PITPNM3: variants seen among roughly 807,000 people sequenced by gnomAD.
PITPNM3 encodes membrane-associated phosphatidylinositol transfer protein 3.
PITPNM3 carries 26 observed loss-of-function variants against 102.0 expected under a neutral mutation model. The observed-to-expected ratio is 0.25, with a 90% CI of 0.19 to 0.35. The LOEUF (loss-of-function observed/expected upper bound fraction) is 0.35, where lower values mean the gene tolerates loss of function less well. PITPNM3 is among the 10% of genes least tolerant of loss of function. The pLI, the probability that PITPNM3 is intolerant of heterozygous loss-of-function variation, is 1.00. For synonymous variants in PITPNM3, 578 were observed against 558.6 expected, an observed-to-expected ratio of 1.03 and a Z score of -0.49; for missense variants, 1,083 against 1,346.1, an observed-to-expected ratio of 0.80 and a Z score of 3.06.
chr17:6,544,747 C>A (rs1022620924), intron 1 of PITPNM3, among the ~76,000 whole-genome samples: 1 of 151,804 alleles, frequency 6.6e-6, no homozygotes, highest in Admixed American at 6.6e-5. Flanking sequence ...TAACTCCTGG[C>A]GGCTGATGCA....
chr17:6,526,343 T>C (rs1908832962), intron 2 of PITPNM3, among the ~76,000 whole-genome samples: 1 of 152,202 alleles, frequency 6.6e-6, no homozygotes, highest in Non-Finnish European at 1.5e-5. Context: ...CCCTTAGGCA[T>C]GTGTGCTCTC....
intron 4 of PITPNM3, among the ~76,000 whole-genome samples, chr17:6,491,010 GGAGGAAAGGGGAGGGGAGGA>G (rs1277212838): frequency 2.5e-5 from 2 of 80,236 alleles, no homozygotes; most frequent in East Asian, 4.4e-4. Flanking sequence ...GGAGGGAAGG[GGAGGAAAGGGGAGGGGAGGA>G]GAGGAAAGGG....
rs764198784 is a variant in PITPNM3 at position 6,463,849 on chromosome 17, G to A, written c.2189C>T (p.Thr730Met). 35 of 1,613,932 alleles carry A rather than the reference G, an allele frequency of 2.2e-5. No individual in the cohort carries two copies. Among genetic ancestry groups the A allele is most frequent in the African/African-American group, 1.6e-4 (12 of 74,926 alleles). Reference sequence around the variant, plus strand: ...ACACTCCATGCCCCTGGGCAACACCGTGAGGTAGCTCATGGCACAGGTCTG... The same window carrying A: ...ACACTCCATGCCCCTGGGCAACACCATGAGGTAGCTCATGGCACAGGTCTG... ...GDQTCAMSYL[T>M]VLPRGMECVV... Residue 730 changes from threonine to methionine, a missense_variant, in exon 17 of 20, where the codon ACG (threonine) becomes ATG (methionine). Around this residue, in one of 5 missense-constraint regions of PITPNM3, gnomAD observed 410 missense variants for 638.4 expected, o/e 0.64. Coordinates refer to ENST00000262483, the MANE Select transcript of PITPNM3 (RefSeq NM_031220.4).
At position 6,471,213 on chromosome 17, in the gene PITPNM3, G is replaced by A. The variant is rs771991481; in HGVS notation, c.1572C>T (p.His524=). 131 of 1,613,254 alleles carry A rather than the reference G, an allele frequency of 8.1e-5. 1 individual carries two copies. The Admixed American group carries it at 2.2e-3, about 27-fold the overall frequency. The part of the protein sequence containing the change: ...PGRRMSEGSS[H]SESSESSDSM... ...TGTCCGAGGACTCCGAGCTCTCGCT[G>A]TGGGAGCTCCCCTCGCTCATCCTCC... Residue 524 remains histidine (H), a synonymous_variant, in exon 12 of 20, where the codon CAC becomes CAT. Coordinates refer to ENST00000262483, the MANE Select transcript of PITPNM3 (RefSeq NM_031220.4).
At position 6,457,770 on chromosome 17, in the gene PITPNM3, C is replaced by A. The variant is rs1381420697; in HGVS notation, c.2491-48G>T. On this transcript the variant is annotated intron_variant, in intron 18 of 19. Coordinates refer to ENST00000262483, the MANE Select transcript of PITPNM3 (RefSeq NM_031220.4). This position sits in a 1 kb window ranked among gnomAD's most constrained non-coding sequence, Gnocchi z 4.7. Reference sequence around the variant, plus strand: ...GGGGAGAGTGAGGCCAGCCCACCCCCTGGAAAGCCTTCCCAGGCCAACCCC... The same window carrying A: ...GGGGAGAGTGAGGCCAGCCCACCCCATGGAAAGCCTTCCCAGGCCAACCCC... 1 of 1,552,730 alleles carries A rather than the reference C, an allele frequency of 6.4e-7. No homozygotes were observed. Among genetic ancestry groups the A allele is most frequent in the Non-Finnish European group, 8.7e-7 (1 of 1,148,516 alleles).
chr17:6,515,608 G>C (rs1389235798), intron 3 of PITPNM3, among the ~76,000 whole-genome samples: 1 of 152,084 alleles, frequency 6.6e-6, no homozygotes, highest in Non-Finnish European at 1.5e-5. Flanking sequence ...AATGGCAGCT[G>C]TGTGCCTCCT....
intron 18 of PITPNM3, chr17:6,460,493 CTG>C (rs995369099): frequency 6.6e-6 from 1 of 152,280 alleles, no homozygotes; most frequent in African/African-American, 2.4e-5. Context: ...AGGCTTCGCA[CTG>C]TGTCACCACT....
chr17:6,555,740 C>T (rs986632647), intron 1 of PITPNM3, among the ~76,000 whole-genome samples: 3 of 152,206 alleles, frequency 2.0e-5, no homozygotes, highest in African/African-American at 7.2e-5. Context: ...ATGCCCGCTC[C>T]CTCAAACCAC....
At chr17:6,479,781 C>G (rs1318873720) in intron 6 of PITPNM3, 5 of 152,258 alleles carry the variant, frequency 3.3e-5, no homozygotes, top group Admixed American at 3.3e-4. Context: ...TTAGAGGAAG[C>G]AGGCCTCGAT....
chr17:6,528,184 C>T (rs1290304895), intron 2 of PITPNM3, among the ~76,000 whole-genome samples: 5 of 152,184 alleles, frequency 3.3e-5, no homozygotes, highest in Non-Finnish European at 4.4e-5. Context: ...CTCCCAAGCT[C>T]TCCCATGCTG....
At chr17:6,527,468 A>T (rs907546349) in intron 2 of PITPNM3, among the ~76,000 whole-genome samples, 1 of 152,196 alleles carries the variant, frequency 6.6e-6, no homozygotes, top group Non-Finnish European at 1.5e-5. Context: ...CCATTGCATG[A>T]TGGTATCATC....
rs555970342 is a variant in PITPNM3 at position 6,537,731 on chromosome 17, G to C, written c.118+256C>G. Among the ~76,000 whole-genome samples, 4 of 152,204 alleles carry C rather than the reference G, an allele frequency of 2.6e-5. No homozygotes were observed. Among genetic ancestry groups the C allele is most frequent in the Non-Finnish European group, 5.9e-5 (4 of 68,036 alleles). On this transcript the variant is annotated intron_variant, in intron 2 of 19. Coordinates refer to ENST00000262483, the MANE Select transcript of PITPNM3 (RefSeq NM_031220.4). This position sits in a 1 kb window ranked among gnomAD's most constrained non-coding sequence, Gnocchi z 4.4. Reference sequence around the variant, plus strand: ...AGTATGATGAGAGCAGCAATGTGACGACTGATTGCCACAGGATCCCTGGCA... The same window carrying C: ...AGTATGATGAGAGCAGCAATGTGACCACTGATTGCCACAGGATCCCTGGCA...
chr17:6,489,929 G>A (rs902544189), intron 4 of PITPNM3, among the ~76,000 whole-genome samples: 7 of 151,170 alleles, frequency 4.6e-5, no homozygotes, highest in South Asian at 2.1e-4. Flanking sequence ...GCTTGAACCC[G>A]GCAGGCAGAG....
At chr17:6,464,874 T>C (rs1427511086) in intron 14 of PITPNM3, 103 bp from the exon 15 acceptor site, 1 of 1,084,314 alleles carries the variant, frequency 9.2e-7, no homozygotes, top group Non-Finnish European at 1.4e-6. Context: ...ATCAGCTTGC[T>C]GAATCATGTC....
chr17:6,466,867 A>G (rs1597364517), intron 14 of PITPNM3, among the ~76,000 whole-genome samples: 2 of 152,310 alleles, frequency 1.3e-5, no homozygotes, highest in East Asian at 3.9e-4. Context: ...CAACATGGCG[A>G]AACTCCATCT....
chr17:6,534,703 G>C (rs1909320796), intron 2 of PITPNM3, among the ~76,000 whole-genome samples: 1 of 152,214 alleles, frequency 6.6e-6, no homozygotes, highest in South Asian at 2.1e-4. Context: ...TCCAGTCAGT[G>C]CTGGTACCTA....
intron 4 of PITPNM3, among the ~76,000 whole-genome samples, chr17:6,486,437 C>G (rs1047395941): frequency 6.6e-6 from 1 of 152,166 alleles, no homozygotes; most frequent in African/African-American, 2.4e-5. Flanking sequence ...CCATGACCAG[C>G]CCCAGGGGAG....
chr17:6,525,541 G>C (rs922991949), intron 2 of PITPNM3, 78 bp from the exon 3 acceptor site: 2 of 1,053,830 alleles, frequency 1.9e-6, no homozygotes, highest in African/African-American at 3.1e-5. Flanking sequence ...ATGTCTGAGG[G>C]ACATTTTCTC....
chr17:6,465,539 G>T (rs962758023), intron 14 of PITPNM3, among the ~76,000 whole-genome samples: 1 of 152,146 alleles, frequency 6.6e-6, no homozygotes, highest in Non-Finnish European at 1.5e-5. Flanking sequence ...AGCATAGAGA[G>T]AGAGAAGAGT....
Sources: gnomAD v4.1 joint callset for allele counts (sites outside exome capture counted in the v4.1 genomes callset) on GRCh38, gnomAD v4.1.1 for gene constraint, gnomAD v4.1.1 regional missense constraint, Gnocchi (gnomAD v3.1) non-coding constraint, MANE v1.5 for transcripts, NCBI Gene and HGNC (gene_info 2026-07-23, HGNC 2026-07-21) for gene names.